Variants in PIEZO2 observed in about 807,000 individuals in gnomAD.
PIEZO2 encodes piezo type mechanosensitive ion channel component 2.
PIEZO2 carries 172 observed loss-of-function variants against 337.3 expected under a neutral mutation model. The observed-to-expected ratio is 0.51, with a 90% CI of 0.45 to 0.58. The LOEUF (loss-of-function observed/expected upper bound fraction) is 0.58. Among genes scored for constraint, PIEZO2 ranks in the 20% least tolerant of loss-of-function variants. PIEZO2 has a pLI of 0.00. For missense variants in PIEZO2, 3,028 were observed against 3,391.3 expected, an observed-to-expected ratio of 0.89 and a Z score of 2.66; for synonymous variants, 1,251 against 1,228.5, an observed-to-expected ratio of 1.02 and a Z score of -0.38.
intron 28 of PIEZO2, among the ~76,000 whole-genome samples, chr18:10,752,177 C>T (rs561750377): frequency 1.3e-5 from 2 of 152,298 alleles, no homozygotes; most frequent in South Asian, 2.1e-4. Flanking sequence ...CTACTCCACC[C>T]AGTATCATAG....
At position 10,726,540 on chromosome 18, in the gene PIEZO2, C is replaced by T. The variant is rs1185477506; in HGVS notation, c.5029+4867G>A. On this transcript the variant is annotated intron_variant, in intron 36 of 55. Coordinates refer to ENST00000674853, the MANE Select transcript of PIEZO2 (RefSeq NM_001378183.1). The surrounding 1 kb of genome is among the most constrained non-coding windows in gnomAD (Gnocchi z 5.9). Reference sequence around the variant, plus strand: ...TGGCGCGCTGCGCTGCTCTGCTCTGCTACACCAGCCGCCACGCTGTGCGTC... The same window carrying T: ...TGGCGCGCTGCGCTGCTCTGCTCTGTTACACCAGCCGCCACGCTGTGCGTC... 36 of 1,432,772 alleles carry T rather than the reference C, an allele frequency of 2.5e-5. No individual in the cohort carries two copies. The highest frequency in any genetic ancestry group is 3.2e-5 in the Non-Finnish European group (35 of 1,082,798). The allele number at this position is 1,432,772 out of a possible 1,614,324, so 88.8% of individuals were successfully genotyped here.
In PIEZO2 at chr18:10,670,297, A is replaced by G. The variant is rs1407213660; in HGVS notation, c.*1230T>C. 1 of 152,210 alleles carries G rather than the reference A, an allele frequency of 6.6e-6. No individual in the cohort carries two copies. The highest frequency in any genetic ancestry group is 2.4e-5 in the African/African-American group (1 of 41,458). 9.4% of individuals were successfully genotyped at this position (152,210 alleles called of 1,614,324 possible). A position where few individuals can be genotyped will look rare whatever the true frequency, so the allele number is the denominator to read the frequency against. On this transcript the variant is annotated 3_prime_UTR_variant, in exon 56 of 56. Coordinates refer to ENST00000674853, the MANE Select transcript of PIEZO2 (RefSeq NM_001378183.1). ...TAAGTCAGCCCTGAACCCAAACTAC[A>G]CAGGATCAATTTTTGACATATTCTA...
intron 1 of PIEZO2, among the ~76,000 whole-genome samples, chr18:11,123,114 C>T (rs1023607438): frequency 3.3e-5 from 5 of 152,062 alleles, no homozygotes; most frequent in East Asian, 1.9e-4. Context: ...ATCATTCTGA[C>T]TCCTAAGAAA....
chr18:10,881,088 C>T lies in PIEZO2; in HGVS notation c.330-9673G>A, dbSNP rs976900923. On this transcript the variant is annotated intron_variant, in intron 4 of 55. Coordinates refer to ENST00000674853, the MANE Select transcript of PIEZO2 (RefSeq NM_001378183.1). ...AATCAAGGGATTCCAAAGTTAATGA[C>T]GCATTAGAGAAAACAAACAGTTAGC... is the stretch of plus-strand genomic sequence containing the variant. Among the ~76,000 whole-genome samples, 61 of 151,080 alleles carry T rather than the reference C, an allele frequency of 4.0e-4. 1 individual carries two copies. The highest frequency in any genetic ancestry group is 2.4e-3 in the Admixed American group (37 of 15,160).
chr18:11,118,245 A>G (rs2039940382), intron 1 of PIEZO2, among the ~76,000 whole-genome samples: 1 of 152,208 alleles, frequency 6.6e-6, no homozygotes, highest in Non-Finnish European at 1.5e-5. Context: ...TCCACAGTGC[A>G]TGACCTTGAC....
At position 10,726,286 on chromosome 18, in the gene PIEZO2, GCGGCCAGAGCCC is replaced by G. The variant is rs1167632385; in HGVS notation, c.5029+5109_5029+5120del. The G allele has an allele frequency of 1.1e-6, 1 of 928,396 alleles. No individual in the cohort carries two copies. The highest frequency in any genetic ancestry group is 1.7e-6 in the Non-Finnish European group (1 of 605,652). 57.5% of individuals were successfully genotyped at this position (928,396 alleles called of 1,614,324 possible). Reference sequence around the variant, plus strand: ...TCGGGAGCATGAGAATGGAAGCGTCGCGGCCAGAGCCCCGGCCAGGTGGAGCAGGTGGGTCCC... The same window carrying G: ...TCGGGAGCATGAGAATGGAAGCGTCGCGGCCAGGTGGAGCAGGTGGGTCCC... On this transcript the variant is annotated intron_variant, in intron 36 of 55. Transcript: ENST00000674853. The surrounding 1 kb of genome is among the most constrained non-coding windows in gnomAD (Gnocchi z 5.9).
intron 3 of PIEZO2, among the ~76,000 whole-genome samples, chr18:10,913,055 T>G (rs2030622832): frequency 6.6e-6 from 1 of 152,154 alleles, no homozygotes; most frequent in Admixed American, 6.5e-5. Context: ...GAATGTCTTC[T>G]GACCTGTGAG....
intron 43 of PIEZO2, among the ~76,000 whole-genome samples, chr18:10,701,540 A>G (rs777073313): frequency 2.6e-5 from 4 of 152,250 alleles, no homozygotes; most frequent in African/African-American, 4.8e-5. Flanking sequence ...AAGCAGTACT[A>G]CTAGAAGAAG....
intron 7 of PIEZO2, among the ~76,000 whole-genome samples, chr18:10,809,810 C>T (rs975077585): frequency 1.3e-5 from 2 of 152,178 alleles, no homozygotes; most frequent in African/African-American, 4.8e-5. Flanking sequence ...TCTGTCTACA[C>T]TAAGGCCATG....
At chr18:10,839,797 T>C (rs1379839900) in intron 7 of PIEZO2, among the ~76,000 whole-genome samples, 1 of 152,148 alleles carries the variant, frequency 6.6e-6, no homozygotes, top group Non-Finnish European at 1.5e-5. Flanking sequence ...ACCAGAAAGC[T>C]AAGCAAAAAG....
At chr18:11,025,606 C>T (rs533811927) in intron 2 of PIEZO2, among the ~76,000 whole-genome samples, 1 of 150,412 alleles carries the variant, frequency 6.6e-6, no homozygotes, top group Non-Finnish European at 1.5e-5. Flanking sequence ...TGTCTCAGGA[C>T]GGATGTGCTT....
intron 4 of PIEZO2, among the ~76,000 whole-genome samples, chr18:10,910,745 T>C (rs1340757210): frequency 6.6e-6 from 1 of 152,150 alleles, no homozygotes; most frequent in Non-Finnish European, 1.5e-5. Flanking sequence ...AAACATCATC[T>C]CAGGTTTTCA....
Position 10,759,560 on chromosome 18 carries a change from C to T in PIEZO2, c.3679G>A (p.Ala1227Thr). 6.5e-7 allele frequency: 1 copy of T among 1,537,388 alleles called. No individual in the cohort carries two copies. The highest frequency in any genetic ancestry group is 8.7e-7 in the Non-Finnish European group (1 of 1,146,942). ...TTTATGATGTTGTCATTGAAGCTGG[C>T]ACCCTTGAATCTCCACGGGTAATCT... ...CRDYPWRFKGASFNDNIIKWL... is the reference protein window; with the variant it reads ...CRDYPWRFKGTSFNDNIIKWL... The change falls in exon 26 of 56, where the codon GCC becomes ACC. Residue 1227 changes from alanine (A) to threonine (T), a missense_variant. Physicochemically the swap from Ala to Thr is moderately conservative, Grantham distance 58. This residue lies in a region of PIEZO2 where 1,925 missense variants were observed against 2,051.9 expected (regional missense o/e 0.94). Coordinates refer to ENST00000674853, the MANE Select transcript of PIEZO2 (RefSeq NM_001378183.1). The surrounding 1 kb of genome is among the most constrained non-coding windows in gnomAD (Gnocchi z 5.5).
chr18:10,889,195 C>T (rs990216296), intron 4 of PIEZO2, among the ~76,000 whole-genome samples: 2 of 152,192 alleles, frequency 1.3e-5, no homozygotes, highest in African/African-American at 4.8e-5. Context: ...TCAAATTCGG[C>T]TTTCATCCTT....
chr18:10,979,497 TAAAAG>T lies in PIEZO2; in HGVS notation c.286+33_286+37del. The T allele has an allele frequency of 7.0e-7, 1 of 1,431,322 alleles. No homozygotes were observed. The highest frequency in any genetic ancestry group is 9.2e-7 in the Non-Finnish European group (1 of 1,084,982). The allele number at this position is 1,431,322 out of a possible 1,614,324, so 88.7% of individuals were successfully genotyped here. ...TTATTATGCACGTATATAAAAGAAA[TAAAAG>T]AAAACAATAAAAGAAAACACCATAA... On this transcript the variant is annotated intron_variant, in intron 3 of 55. Coordinates refer to ENST00000674853, the MANE Select transcript of PIEZO2 (RefSeq NM_001378183.1). This position sits in a 1 kb window ranked among gnomAD's most constrained non-coding sequence, Gnocchi z 4.0.
chr18:11,140,306 C>A (rs567859393), intron 1 of PIEZO2, among the ~76,000 whole-genome samples: 2 of 152,340 alleles, frequency 1.3e-5, no homozygotes, highest in African/African-American at 4.8e-5. Flanking sequence ...CTACAGCATA[C>A]CAAGGTAGCT....
intron 33 of PIEZO2, among the ~76,000 whole-genome samples, chr18:10,737,501 C>T (rs1244278599): frequency 6.6e-6 from 1 of 152,158 alleles, no homozygotes; most frequent in African/African-American, 2.4e-5. Context: ...TTCTGGTCAA[C>T]AAGGAACTCC....
chr18:10,735,457 A>C (rs866362223), intron 34 of PIEZO2, among the ~76,000 whole-genome samples, 127 bp from the exon 35 acceptor site: 1 of 152,202 alleles, frequency 6.6e-6, no homozygotes, highest in Non-Finnish European at 1.5e-5. Context: ...CAGTCACTGA[A>C]GCTAGAATAA....
chr18:11,028,302 C>G lies in PIEZO2; in HGVS notation c.160+37825G>C, dbSNP rs181176152. 6.2e-4 allele frequency among the ~76,000 whole-genome samples: 94 copies of G among 151,508 alleles called. No homozygotes were observed. The highest frequency in any genetic ancestry group is 2.2e-3 in the African/African-American group (91 of 41,226). ...TTTTGAGACAGAGTCACTTTGTTGCCCATGCTGGAGTGCAATGGCGTGATC... is the reference window on the plus strand; with the variant it reads ...TTTTGAGACAGAGTCACTTTGTTGCGCATGCTGGAGTGCAATGGCGTGATC... On this transcript the variant is annotated intron_variant, in intron 2 of 55. Transcript: ENST00000674853. The surrounding 1 kb of genome is among the most constrained non-coding windows in gnomAD (Gnocchi z 4.8).
Sources: gnomAD v4.1 joint callset for allele counts (sites outside exome capture counted in the v4.1 genomes callset) on GRCh38, gnomAD v4.1.1 for gene constraint, gnomAD v4.1.1 regional missense constraint, Gnocchi (gnomAD v3.1) non-coding constraint, MANE v1.5 for transcripts, NCBI Gene and HGNC (gene_info 2026-07-23, HGNC 2026-07-21) for gene names.